The following ZDHHC14 variants were observed in gnomAD, a reference collection of about 807,000 sequenced individuals.
The protein encoded by ZDHHC14 is palmitoyltransferase ZDHHC14.
A neutral mutation model predicts 47.7 loss-of-function variants in ZDHHC14; 16 were observed. That is an observed-to-expected ratio of 0.34 (90% confidence interval 0.23 to 0.51). ZDHHC14 has a LOEUF of 0.51. Ranked by LOEUF, ZDHHC14 falls within the 20% of genes least tolerant of loss-of-function variation. The pLI, the probability that ZDHHC14 is intolerant of heterozygous loss-of-function variation, is 0.97. For missense variants in ZDHHC14, 515 were observed against 662.5 expected, an observed-to-expected ratio of 0.78 and a Z score of 2.44; for synonymous variants, 293 against 278.9, an observed-to-expected ratio of 1.05 and a Z score of -0.50.
intron 1 of ZDHHC14, among the ~76,000 whole-genome samples, chr6:157,415,265 C>T (rs1205261633): frequency 6.6e-6 from 1 of 151,984 alleles, no homozygotes; most frequent in Non-Finnish European, 1.5e-5. Context: ...CTAATATTGT[C>T]ATAACAAGCT....
At chr6:157,551,057 G>A (rs1388045623) in intron 2 of ZDHHC14, among the ~76,000 whole-genome samples, 1 of 152,290 alleles carries the variant, frequency 6.6e-6, no homozygotes, top group South Asian at 2.1e-4. Flanking sequence ...TGGAAAACTT[G>A]GGACCACATG....
intron 1 of ZDHHC14, among the ~76,000 whole-genome samples, chr6:157,474,544 G>A (rs1279707861): frequency 6.6e-6 from 1 of 152,086 alleles, no homozygotes; most frequent in African/African-American, 2.4e-5. Flanking sequence ...AGTGTGCAAG[G>A]ATTCCCATTT....
chr6:157,422,498 A>G (rs1178233160), intron 1 of ZDHHC14, among the ~76,000 whole-genome samples: 1 of 152,158 alleles, frequency 6.6e-6, no homozygotes, highest in Non-Finnish European at 1.5e-5. Flanking sequence ...GTGGAGCGTT[A>G]CCCCGGGAAG....
chr6:157,413,586 TTTC>T (rs2114760640), intron 1 of ZDHHC14, among the ~76,000 whole-genome samples: 1 of 152,058 alleles, frequency 6.6e-6, no homozygotes, highest in South Asian at 2.1e-4. Flanking sequence ...TCTTCCTTCC[TTTC>T]TTTTTTTTTT....
At chr6:157,482,835 C>T (rs1293072832) in intron 1 of ZDHHC14, among the ~76,000 whole-genome samples, 1 of 151,712 alleles carries the variant, frequency 6.6e-6, no homozygotes, top group Non-Finnish European at 1.5e-5. Context: ...CTCTGCCTCC[C>T]GAGTTCAAGT....
At position 157,597,731 on chromosome 6, in the gene ZDHHC14, G is replaced by A. The variant is rs985297623; in HGVS notation, c.565+4585G>A. ...CCACATCTGGAAGGGCTGTGAAGACGAAGGAAGTAGTACATGGAGCCCTCA... is the reference window on the plus strand; with the variant it reads ...CCACATCTGGAAGGGCTGTGAAGACAAAGGAAGTAGTACATGGAGCCCTCA... On this transcript the variant is annotated intron_variant, in intron 3 of 8. Transcript: ENST00000359775. 2.6e-5 allele frequency among the ~76,000 whole-genome samples: 4 copies of A among 152,230 alleles called. No individual in the cohort carries two copies. The East Asian group carries it at 7.7e-4, about 29-fold the overall frequency.
chr6:157,522,988 T>C (rs1401308346), intron 1 of ZDHHC14, among the ~76,000 whole-genome samples: 2 of 66,612 alleles, frequency 3.0e-5, no homozygotes, highest in African/African-American at 2.0e-4. Context: ...TTCTTTTTCT[T>C]TTCTTTTCTT....
chr6:157,603,152 G>A (rs1784402706), intron 3 of ZDHHC14, among the ~76,000 whole-genome samples: 2 of 152,234 alleles, frequency 1.3e-5, no homozygotes, highest in African/African-American at 4.8e-5. Flanking sequence ...AGTCAGGTGA[G>A]GAATCCAGCC....
chr6:157,653,444 G>T, intron 7 of ZDHHC14, 81 bp from the exon 8 acceptor site: 1 of 1,472,966 alleles, frequency 6.8e-7, no homozygotes, highest in South Asian at 1.2e-5. Flanking sequence ...AGGGAGCCCC[G>T]ACGCGGAACC....
intron 8 of ZDHHC14, among the ~76,000 whole-genome samples, chr6:157,667,235 C>G (rs570021895): frequency 1.4e-4 from 21 of 152,156 alleles, no homozygotes; most frequent in African/African-American, 3.9e-4. Context: ...AGCTGTTTTT[C>G]CTTAGGATTA....
At position 157,381,990 on chromosome 6, in the gene ZDHHC14, G is replaced by A. The variant is rs113918212; in HGVS notation, c.-32G>A. Reference sequence around the variant, plus strand: ...GCCCGCGCGGCCGGGGGGCTCCTGGGGGTGTGCGCCCCCAGCCGGCTGCCC... The same window carrying A: ...GCCCGCGCGGCCGGGGGGCTCCTGGAGGTGTGCGCCCCCAGCCGGCTGCCC... On this transcript the variant is annotated 5_prime_UTR_variant, in exon 1 of 9. Coordinates refer to ENST00000359775, the MANE Select transcript of ZDHHC14 (RefSeq NM_024630.3). 7.7e-7 allele frequency: 1 copy of A among 1,300,620 alleles called. No homozygotes were observed. The highest frequency in any genetic ancestry group is 1.9e-5 in the South Asian group (1 of 52,102). The allele number at this position is 1,300,620 out of a possible 1,614,324, so 80.6% of individuals were successfully genotyped here. A position where few individuals can be genotyped will look rare whatever the true frequency, so the allele number is the denominator to read the frequency against.
chr6:157,621,950 C>T (rs369704771), intron 3 of ZDHHC14, among the ~76,000 whole-genome samples: 1 of 152,176 alleles, frequency 6.6e-6, no homozygotes, highest in South Asian at 2.1e-4. Context: ...GTGTCCTAAC[C>T]TTTCTGACTG....
In ZDHHC14 at chr6:157,523,280, T is replaced by C. The variant is rs572042506; in HGVS notation, c.246-19305T>C. Among the ~76,000 whole-genome samples the C allele has an allele frequency of 7.9e-5, 12 of 152,268 alleles. No homozygotes were observed. The East Asian group carries it at 1.9e-3, about 25-fold the overall frequency. On this transcript the variant is annotated intron_variant, in intron 1 of 8. Transcript: ENST00000359775. Reference sequence around the variant, plus strand: ...GAGCCATCTGCTTTGTTCTGTTTTATGATATATTGAATACGTGATGTGTGA... The same window carrying C: ...GAGCCATCTGCTTTGTTCTGTTTTACGATATATTGAATACGTGATGTGTGA...
In ZDHHC14 at chr6:157,382,156, A is replaced by G. The variant is rs1192448085; in HGVS notation, c.135A>G (p.Gly45=). 1 of 1,613,552 alleles carries G rather than the reference A, an allele frequency of 6.2e-7. No homozygotes were observed. Among genetic ancestry groups the G allele is most frequent in the Non-Finnish European group, 8.5e-7 (1 of 1,179,822 alleles). The change falls in exon 1 of 9, where the codon GGA becomes GGG. Residue 45 remains glycine, a synonymous_variant. Transcript: ENST00000359775. ...GGAGGAAATGGGAGGTGTTCCCGGG[A>G]AGAAACAAGTTCTTCTGTAACGGGA... ...AARRKWEVFP[G]RNKFFCNGRI...
chr6:157,474,075 A>C (rs241580), intron 1 of ZDHHC14, among the ~76,000 whole-genome samples: 1 of 151,108 alleles, frequency 6.6e-6, no homozygotes, highest in African/African-American at 2.4e-5. Context: ...TGCAGCCTCC[A>C]CCTCCCGGGT....
intron 2 of ZDHHC14, among the ~76,000 whole-genome samples, chr6:157,544,231 G>C (rs1338749218): frequency 6.6e-6 from 1 of 152,214 alleles, no homozygotes. Context: ...CCTCTTCTCA[G>C]TGCAAGGGCC....
chr6:157,586,441 C>T lies in ZDHHC14; in HGVS notation c.407-6547C>T, dbSNP rs1004792149. On this transcript the variant is annotated intron_variant, in intron 2 of 8. Transcript: ENST00000359775. The surrounding 1 kb of genome is among the most constrained non-coding windows in gnomAD (Gnocchi z 4.6). ...ACAGCATTGCCCGCTCAGGGAAACCCAAGGAGGCCACCGTGTTTTGAGCAT... is the reference window on the plus strand; with the variant it reads ...ACAGCATTGCCCGCTCAGGGAAACCTAAGGAGGCCACCGTGTTTTGAGCAT... Among the ~76,000 whole-genome samples, 3 of 152,144 alleles carry T rather than the reference C, an allele frequency of 2.0e-5. No individual in the cohort carries two copies. The highest frequency in any genetic ancestry group is 7.2e-5 in the African/African-American group (3 of 41,446).
At chr6:157,484,490 A>ACAC in intron 1 of ZDHHC14, among the ~76,000 whole-genome samples, 3 of 148,208 alleles carry the variant, frequency 2.0e-5, no homozygotes, top group African/African-American at 4.9e-5. Flanking sequence ...ATACACACAC[A>ACAC]AATAGAGGTA....
chr6:157,394,261 T>A (rs1056100646), intron 1 of ZDHHC14, among the ~76,000 whole-genome samples: 1 of 152,238 alleles, frequency 6.6e-6, no homozygotes, highest in African/African-American at 2.4e-5. Flanking sequence ...TGGTTCACAG[T>A]CATTTCACGG....
Sources: gnomAD v4.1 joint callset for allele counts (sites outside exome capture counted in the v4.1 genomes callset) on GRCh38, gnomAD v4.1.1 for gene constraint, Gnocchi (gnomAD v3.1) non-coding constraint, MANE v1.5 for transcripts, NCBI Gene and HGNC (gene_info 2026-07-23, HGNC 2026-07-21) for gene names.